LRMDA: variants seen among roughly 807,000 people sequenced by gnomAD.
The protein encoded by LRMDA is leucine-rich melanocyte differentiation-associated protein.
Under a neutral mutation model 29.8 loss-of-function variants are expected in LRMDA, and 18 were observed. That is an observed-to-expected ratio of 0.60 (90% CI 0.42 to 0.90). LRMDA has a LOEUF of 0.90. Among genes scored for constraint, LRMDA ranks in the 40% least tolerant of loss-of-function variants. The pLI, the probability that LRMDA is intolerant of heterozygous loss-of-function variation, is 0.00. For missense variants in LRMDA, 273 were observed against 273.9 expected (o/e 1.00, Z 0.02); for synonymous variants, 125 against 109.4 (o/e 1.14, Z -0.89).
intron 5 of LRMDA, among the ~76,000 whole-genome samples, chr10:76,310,423 G>A (rs1375384377): frequency 2.0e-5 from 3 of 151,872 alleles, no homozygotes; most frequent in Non-Finnish European, 4.4e-5. Context: ...AACAAAAAAA[G>A]TATGGGAATT....
chr10:76,424,742 A>G (rs1842106423), intron 6 of LRMDA, among the ~76,000 whole-genome samples: 1 of 152,246 alleles, frequency 6.6e-6, no homozygotes, highest in Admixed American at 6.5e-5. Context: ...GCTCAGGATC[A>G]TAAAGCCAGT....
At chr10:75,944,413 A>C (rs2132413055) in intron 2 of LRMDA, among the ~76,000 whole-genome samples, 1 of 151,956 alleles carries the variant, frequency 6.6e-6, no homozygotes, top group Admixed American at 6.6e-5. Flanking sequence ...GATTTCTGTA[A>C]GTTTCTTCTA....
intron 2 of LRMDA, among the ~76,000 whole-genome samples, chr10:75,471,575 A>G (rs189814986): frequency 6.6e-6 from 1 of 152,224 alleles, no homozygotes; most frequent in East Asian, 1.9e-4. Flanking sequence ...TGCCAAACCA[A>G]TCCCTTGATA....
chr10:76,155,593 C>G (rs548018045), intron 5 of LRMDA, among the ~76,000 whole-genome samples: 1 of 152,082 alleles, frequency 6.6e-6, no homozygotes, highest in Admixed American at 6.5e-5. Context: ...AACTTACATC[C>G]CAGCTGAGGT....
chr10:76,509,407 A>G (rs560557390), intron 6 of LRMDA, among the ~76,000 whole-genome samples: 1 of 152,310 alleles, frequency 6.6e-6, no homozygotes, highest in African/African-American at 2.4e-5. Context: ...CACATTTCAA[A>G]ACACCTTGCA....
intron 5 of LRMDA, among the ~76,000 whole-genome samples, chr10:76,123,003 C>T (rs1220063290): frequency 6.6e-6 from 1 of 152,070 alleles, no homozygotes; most frequent in Non-Finnish European, 1.5e-5. Context: ...GCATTTTATT[C>T]TGTGCTTATT....
At chr10:75,812,363 G>A (rs1227847074) in intron 2 of LRMDA, among the ~76,000 whole-genome samples, 1 of 152,002 alleles carries the variant, frequency 6.6e-6, no homozygotes, top group Non-Finnish European at 1.5e-5. Context: ...GTATAAATTA[G>A]CACGTACAAT....
chr10:76,058,658 T>A lies in LRMDA; in HGVS notation c.399-8T>A, dbSNP rs903855392. Reference sequence around the variant, plus strand: ...CTTCCTGAGTTGTCTCTGACTCTTATCTTCCAGATGCTTTGTTCTGTACAA... The same window carrying A: ...CTTCCTGAGTTGTCTCTGACTCTTAACTTCCAGATGCTTTGTTCTGTACAA... On this transcript the variant is annotated splice_region_variant and splice_polypyrimidine_tract_variant and intron_variant, in intron 4 of 6. Coordinates refer to ENST00000611255, the MANE Select transcript of LRMDA (RefSeq NM_001305581.2). 14 of 1,608,734 alleles carry A rather than the reference T, an allele frequency of 8.7e-6. No homozygotes were observed. Among genetic ancestry groups the A allele is most frequent in the Non-Finnish European group, 1.2e-5 (14 of 1,175,172 alleles).
At chr10:76,260,598 C>A (rs1839923434) in intron 5 of LRMDA, among the ~76,000 whole-genome samples, 2 of 152,042 alleles carry the variant, frequency 1.3e-5, no homozygotes, top group African/African-American at 4.8e-5. Flanking sequence ...ATGCTTTTCT[C>A]TTGCTGTTTT....
At chr10:75,706,977 C>G (rs1184752074) in intron 2 of LRMDA, among the ~76,000 whole-genome samples, 1 of 152,162 alleles carries the variant, frequency 6.6e-6, no homozygotes, top group Non-Finnish European at 1.5e-5. Context: ...GGAACTTAAG[C>G]TTTTGTAGTG....
chr10:76,032,634 A>G (rs965091966), intron 2 of LRMDA, among the ~76,000 whole-genome samples: 4 of 152,106 alleles, frequency 2.6e-5, no homozygotes, highest in Non-Finnish European at 5.9e-5. Context: ...AGGTAAGAGG[A>G]TGGTACCTGT....
chr10:75,890,766 C>T (rs1845473528), intron 2 of LRMDA, among the ~76,000 whole-genome samples: 1 of 152,136 alleles, frequency 6.6e-6, no homozygotes, highest in Non-Finnish European at 1.5e-5. Flanking sequence ...TTGCACATGG[C>T]ATGCTTGGCC....
In LRMDA at chr10:75,671,793, T is replaced by TA. The variant is rs1168575858; in HGVS notation, c.131+233306dup. Among the ~76,000 whole-genome samples, 16 of 152,126 alleles carry TA rather than the reference T, an allele frequency of 1.1e-4. No individual in the cohort carries two copies. In the East Asian group the frequency reaches 1.2e-3, roughly 11 times the overall value. ...CCAGAACTTAAAGTATAATAATAAT[T>TA]AAAAAAACCCCTAAGCCCGTGTGCA... On this transcript the variant is annotated intron_variant, in intron 2 of 6. Transcript: ENST00000611255.
chr10:76,420,284 T>C (rs957651022), intron 6 of LRMDA, among the ~76,000 whole-genome samples: 5 of 152,012 alleles, frequency 3.3e-5, no homozygotes, highest in Non-Finnish European at 5.9e-5. Flanking sequence ...TGTTGTATTT[T>C]TAAAAGATTT....
At chr10:75,944,136 T>G (rs1464515933) in intron 2 of LRMDA, among the ~76,000 whole-genome samples, 2 of 152,216 alleles carry the variant, frequency 1.3e-5, no homozygotes, top group Non-Finnish European at 2.9e-5. Flanking sequence ...CATCCAAAGT[T>G]GTCTTTATGT....
chr10:75,690,409 A>G (rs1186621914), intron 2 of LRMDA, among the ~76,000 whole-genome samples: 1 of 152,114 alleles, frequency 6.6e-6, no homozygotes, highest in Non-Finnish European at 1.5e-5. Flanking sequence ...GGCTCAAGCA[A>G]TCCTCCCATC....
chr10:76,363,919 C>T (rs939491855), intron 6 of LRMDA, among the ~76,000 whole-genome samples: 2 of 152,230 alleles, frequency 1.3e-5, no homozygotes, highest in African/African-American at 4.8e-5. Flanking sequence ...GTTCTGATTT[C>T]CTCTTAACTA....
At chr10:76,119,118 G>T (rs1342387694) in intron 5 of LRMDA, among the ~76,000 whole-genome samples, 1 of 151,872 alleles carries the variant, frequency 6.6e-6, no homozygotes, top group South Asian at 2.1e-4. Flanking sequence ...ACATCTGTTG[G>T]TATTCCTGGG....
chr10:76,421,437 A>G (rs964418460), intron 6 of LRMDA, among the ~76,000 whole-genome samples: 1 of 152,142 alleles, frequency 6.6e-6, no homozygotes, highest in African/African-American at 2.4e-5. Flanking sequence ...TGTAAGCAGT[A>G]TATTACTTTG....
Sources: allele counts gnomAD v4.1 joint callset (sites outside exome capture counted in the v4.1 genomes callset), GRCh38; gene constraint gnomAD v4.1.1; transcripts MANE v1.5; gene names NCBI Gene and HGNC (gene_info 2026-07-23, HGNC 2026-07-21).